JMJD1C: variants seen among roughly 807,000 people sequenced by gnomAD.
JMJD1C encodes the protein jumonji domain-containing protein 1C.
JMJD1C carries 31 observed loss-of-function variants against 245.3 expected under a neutral mutation model. The observed-to-expected ratio is 0.13, with a 90% CI of 0.09 to 0.17. The LOEUF (loss-of-function observed/expected upper bound fraction) is 0.17. Among genes scored for constraint, JMJD1C ranks in the 10% least tolerant of loss-of-function variants. JMJD1C has a pLI of 1.00. For synonymous variants in JMJD1C, 1,057 were observed against 1,017.4 expected, an observed-to-expected ratio of 1.04 and a Z score of -0.74; for missense variants, 2,691 against 3,000.2, an observed-to-expected ratio of 0.90 and a Z score of 2.41.
chr10:63,200,847 G>A (rs1464711572), intron 10 of JMJD1C, among the ~76,000 whole-genome samples, 170 bp from the exon 11 acceptor site: 1 of 152,170 alleles, frequency 6.6e-6, no homozygotes, highest in Non-Finnish European at 1.5e-5. Context: ...AAGTGCAGCA[G>A]CGTTTCTATT....
At chr10:63,248,564 A>G (rs10995475) in intron 3 of JMJD1C, among the ~76,000 whole-genome samples, 34 of 151,388 alleles carry the variant, frequency 2.2e-4, no homozygotes, top group African/African-American at 6.8e-4. Context: ...ATAAATAAAT[A>G]AATGACAGGG....
chr10:63,476,576 T>C (rs1210596162), intron 1 of JMJD1C, among the ~76,000 whole-genome samples: 1 of 151,900 alleles, frequency 6.6e-6, no homozygotes, highest in Non-Finnish European at 1.5e-5. Flanking sequence ...TTTTTAAAAA[T>C]TAGCCAGGCC....
chr10:63,518,872 A>G (rs1042321111), intron 1 of JMJD1C, among the ~76,000 whole-genome samples: 3 of 152,170 alleles, frequency 2.0e-5, no homozygotes, highest in African/African-American at 7.2e-5. Context: ...CGCCTTAAAC[A>G]CAGTTCCGCT....
chr10:63,368,437 G>C (rs966387591), intron 2 of JMJD1C, among the ~76,000 whole-genome samples: 1 of 152,146 alleles, frequency 6.6e-6, no homozygotes, highest in African/African-American at 2.4e-5. Context: ...ACTGAGACAA[G>C]GTAAGTAGCT....
chr10:63,452,881 T>TA lies in JMJD1C; in HGVS notation c.168+12613dup, dbSNP rs1459973170. ...CAGGCAAATTCACAGAGACATTAGATAGAGAGTTTCTGTTTGGGATGATAA... is the reference window on the plus strand; with the variant it reads ...CAGGCAAATTCACAGAGACATTAGATAAGAGAGTTTCTGTTTGGGATGATAA... On this transcript the variant is annotated intron_variant, in intron 1 of 25. Transcript: ENST00000399262. 1.1e-4 allele frequency among the ~76,000 whole-genome samples: 16 copies of TA among 152,326 alleles called. No individual in the cohort carries two copies. The East Asian group carries it at 2.9e-3, about 28-fold the overall frequency.
At chr10:63,318,954 T>C (rs1940463134) in intron 2 of JMJD1C, among the ~76,000 whole-genome samples, 1 of 152,112 alleles carries the variant, frequency 6.6e-6, no homozygotes, top group Non-Finnish European at 1.5e-5. Context: ...AATATCTGAA[T>C]GACAACTTGG....
rs759143169 is a variant in JMJD1C at position 63,213,530 on chromosome 10, A to C, written c.2637T>G (p.Pro879=). The C allele has an allele frequency of 2.0e-4, 320 of 1,609,862 alleles. 3 individuals are homozygous for C. The East Asian group carries it at 7.0e-3, about 35-fold the overall frequency. The change falls in exon 8 of 26, where the codon CCT becomes CCG. Residue 879 remains proline (P), a synonymous_variant. Coordinates refer to ENST00000399262, the MANE Select transcript of JMJD1C (RefSeq NM_032776.3). ...TTTCTGGGTGAACCCACTTAGAAGA[A>C]GGCAAACCAAGTCCTGAGTATGCAT... is the stretch of plus-strand genomic sequence containing the variant. ...GTHAYSGLGL[P]SSKWVHPENA...
Position 63,361,733 on chromosome 10 carries a change from A to G in JMJD1C, c.333+18585T>C, listed in dbSNP as rs1001422570. Among the ~76,000 whole-genome samples the G allele has an allele frequency of 1.6e-3, 243 of 149,654 alleles. 2 individuals carry two copies. Among genetic ancestry groups the G allele is most frequent in the Non-Finnish European group, 2.9e-3 (195 of 67,346 alleles). The stretch of plus-strand genomic sequence containing the variant: ...ACTGTCTCAACTAAAAAAAAAAAAA[A>G]AAAAAAAAAAAAAAGAAAAAGAATA... On this transcript the variant is annotated intron_variant, in intron 2 of 25. Transcript: ENST00000399262.
chr10:63,208,898 A>G lies in JMJD1C; in HGVS notation c.2868-97T>C, dbSNP rs191098608. On this transcript the variant is annotated intron_variant, in intron 9 of 25. Coordinates refer to ENST00000399262, the MANE Select transcript of JMJD1C (RefSeq NM_032776.3). The stretch of plus-strand genomic sequence containing the variant: ...TATCATTCTATTATGAAAGTAAAAG[A>G]CATCTTTGCATGTACTCTAATACTA... 1.5e-5 allele frequency: 17 copies of G among 1,113,326 alleles called. No individual in the cohort carries two copies. The Middle Eastern group carries it at 8.6e-4, about 56-fold the overall frequency. The allele number at this position is 1,113,326 out of a possible 1,614,324, so 69.0% of individuals were successfully genotyped here.
At chr10:63,473,338 G>C (rs577104219) in intron 1 of JMJD1C, among the ~76,000 whole-genome samples, 1 of 151,592 alleles carries the variant, frequency 6.6e-6, no homozygotes, top group Non-Finnish European at 1.5e-5. Flanking sequence ...CTCTGCCTCG[G>C]AAGTTCAAGC....
chr10:63,197,562 G>A lies in JMJD1C; in HGVS notation c.5493C>T (p.Ala1831=), dbSNP rs1313042125. 29 of 1,502,326 alleles carry A rather than the reference G, an allele frequency of 1.9e-5. No individual in the cohort carries two copies. Among genetic ancestry groups the A allele is most frequent in the Non-Finnish European group, 2.6e-5 (29 of 1,127,892 alleles). 93.1% of individuals were successfully genotyped at this position (1,502,326 alleles called of 1,614,324 possible). Residue 1831 remains alanine (A), a splice_region_variant and synonymous_variant, in exon 13 of 26, where the codon GCC becomes GCT. Transcript: ENST00000399262. Reference sequence around the variant, plus strand: ...TCACTGCTCTTTTCCAGGCAATTTTGGCTGAAATACAGAAAAAACAAAAAT... The same window carrying A: ...TCACTGCTCTTTTCCAGGCAATTTTAGCTGAAATACAGAAAAAACAAAAAT... ...KTALSWVKKD[A]KIAWKRAVRG... is the part of the protein sequence containing the mutation.
chr10:63,306,747 C>T (rs1280765935), intron 2 of JMJD1C, among the ~76,000 whole-genome samples: 1 of 151,996 alleles, frequency 6.6e-6, no homozygotes, highest in Non-Finnish European at 1.5e-5. Context: ...ATTAATAACA[C>T]CCGATGTATT....
At chr10:63,363,252 CTTT>C (rs71463517) in intron 2 of JMJD1C, among the ~76,000 whole-genome samples, 10 of 99,838 alleles carry the variant, frequency 1.0e-4, no homozygotes, top group Non-Finnish European at 1.2e-4. Context: ...TCATACAATT[CTTT>C]TTTTTTTTTT....
intron 8 of JMJD1C, among the ~76,000 whole-genome samples, chr10:63,211,464 CAA>C (rs71025124): frequency 0.038 from 3,979 of 103,436 alleles, 57 homozygotes; most frequent in Non-Finnish European, 0.056. Context: ...GACTCCATCT[CAA>C]AAAAAAAAAA....
At chr10:63,195,107 C>A (rs1845290253) in intron 13 of JMJD1C, among the ~76,000 whole-genome samples, 1 of 152,148 alleles carries the variant, frequency 6.6e-6, no homozygotes, top group Admixed American at 6.5e-5. Flanking sequence ...GTAATCCCAG[C>A]ATTTTGGGAG....
chr10:63,193,436 C>A lies in JMJD1C; in HGVS notation c.5771G>T (p.Arg1924Met). ...ATGGGATTTAATACCATATTTTTCC[C>A]TAAGAGTGTGCATGGCATCTAGAAG... The part of the protein sequence containing the change: ...TDLLDAMHTL[R>M]EKYGIKSHCH... The change falls in exon 15 of 26, where the codon AGG becomes ATG. Residue 1924 changes from arginine to methionine, a missense_variant. Physicochemically the swap from Arg to Met is moderately conservative, Grantham distance 91 (BLOSUM62 -1). Coordinates refer to ENST00000399262, the MANE Select transcript of JMJD1C (RefSeq NM_032776.3). The A allele has an allele frequency of 6.3e-7, 1 of 1,599,298 alleles. No homozygotes were observed. The highest frequency in any genetic ancestry group is 2.2e-5 in the East Asian group (1 of 44,684).
chr10:63,420,569 G>C (rs1950062014), intron 1 of JMJD1C, among the ~76,000 whole-genome samples: 1 of 151,522 alleles, frequency 6.6e-6, no homozygotes. Context: ...GCCAGGCATG[G>C]TGGCACACGC....
Position 63,472,030 on chromosome 10 carries a change from C to T in JMJD1C, n.113+49708G>A, listed in dbSNP as rs146079240. On this transcript the variant is annotated intron_variant and non_coding_transcript_variant, in intron 1 of 3. Coordinates refer to the JMJD1C transcript ENST00000633035. ...CTGAAGCCTGGGCGACAGAGTGAGA[C>T]TCAGTCTCAAAACAAACAAACAAAC... 5.9e-4 allele frequency among the ~76,000 whole-genome samples: 90 copies of T among 152,202 alleles called. 1 individual carries two copies. The East Asian group carries it at 0.017, about 28-fold the overall frequency.
At chr10:63,476,620 G>A (rs556742200) in intron 1 of JMJD1C, among the ~76,000 whole-genome samples, 1 of 152,120 alleles carries the variant, frequency 6.6e-6, no homozygotes, top group East Asian at 1.9e-4. Flanking sequence ...AGCTACTTGG[G>A]AGGGAGGCTG....
Sources: gnomAD v4.1 joint callset for allele counts (sites outside exome capture counted in the v4.1 genomes callset) on GRCh38, gnomAD v4.1.1 for gene constraint, MANE v1.5 for transcripts, NCBI Gene and HGNC (gene_info 2026-07-23, HGNC 2026-07-21) for gene names.